Variants in EHBP1 observed in about 807,000 individuals in gnomAD.
EHBP1 encodes the protein EH domain-binding protein 1.
EHBP1 carries 55 observed loss-of-function variants against 144.0 expected under a neutral mutation model. The ratio of observed to expected loss-of-function variants is 0.38; its 90% CI spans 0.31 to 0.48. The LOEUF (loss-of-function observed/expected upper bound fraction) is 0.48. Among genes scored for constraint, EHBP1 ranks in the 20% least tolerant of loss-of-function variants. EHBP1 has a pLI of 0.98. For synonymous variants in EHBP1, 469 were observed against 472.7 expected, an observed-to-expected ratio of 0.99 and a Z score of 0.10; for missense variants, 1,200 against 1,364.2, an observed-to-expected ratio of 0.88 and a Z score of 1.90.
At chr2:62,693,952 TTC>T (rs1264218176) in intron 1 of EHBP1, among the ~76,000 whole-genome samples, 1 of 152,240 alleles carries the variant, frequency 6.6e-6, no homozygotes, top group African/African-American at 2.4e-5. Context: ...ATCTGTTTTT[TTC>T]TTTTGTTGCT....
chr2:62,716,561 A>T (rs1439672029), intron 2 of EHBP1, among the ~76,000 whole-genome samples: 3 of 152,242 alleles, frequency 2.0e-5, no homozygotes, highest in Non-Finnish European at 2.9e-5. Flanking sequence ...ATGGCAATAC[A>T]CATGTGTCTC....
In EHBP1 at chr2:62,883,367, T is replaced by A. The variant is rs576398570; in HGVS notation, c.1185+8835T>A. On this transcript the variant is annotated intron_variant, in intron 10 of 22. Coordinates refer to ENST00000431489, the MANE Select transcript of EHBP1 (RefSeq NM_001142616.3). ...AAGGTAATGTTTCATTGCAGATACA[T>A]TGTGGAATAAATGATGTTTATGGGA... Among the ~76,000 whole-genome samples, 4 of 152,336 alleles carry A rather than the reference T, an allele frequency of 2.6e-5. No homozygotes were observed. In the South Asian group the frequency reaches 6.2e-4, roughly 24 times the overall value.
At chr2:63,015,325 G>T (rs971718675) in intron 19 of EHBP1, among the ~76,000 whole-genome samples, 1 of 152,086 alleles carries the variant, frequency 6.6e-6, no homozygotes, top group African/African-American at 2.4e-5. Context: ...TTTAATGTCA[G>T]GAAAAAGTAG....
chr2:62,779,612 A>G (rs1192534970), intron 5 of EHBP1, among the ~76,000 whole-genome samples: 5 of 152,188 alleles, frequency 3.3e-5, no homozygotes, highest in Non-Finnish European at 5.9e-5. Flanking sequence ...CTTTTAGGCC[A>G]TTCTTTTGGT....
At chr2:62,772,596 C>T (rs1351119426) in intron 5 of EHBP1, among the ~76,000 whole-genome samples, 2 of 152,300 alleles carry the variant, frequency 1.3e-5, no homozygotes, top group African/African-American at 2.4e-5. Flanking sequence ...GATTTCAAGT[C>T]CTGTCTCTTC....
intron 1 of EHBP1, chr2:62,674,133 C>G (rs748354601): frequency 1.7e-5 from 8 of 470,940 alleles, no homozygotes; most frequent in Non-Finnish European, 3.5e-5. Flanking sequence ...AGAAGCATCC[C>G]CAAATATGTC....
intron 4 of EHBP1, among the ~76,000 whole-genome samples, chr2:62,766,186 T>C (rs938282258): frequency 6.6e-6 from 1 of 152,168 alleles, no homozygotes; most frequent in Non-Finnish European, 1.5e-5. Flanking sequence ...TTGGAATTTA[T>C]CTCATAAGTT....
At chr2:62,847,102 G>C (rs1472485032) in intron 7 of EHBP1, among the ~76,000 whole-genome samples, 1 of 152,176 alleles carries the variant, frequency 6.6e-6, no homozygotes, top group Admixed American at 6.5e-5. Flanking sequence ...AATCAAGATA[G>C]TGTCAAATTG....
intron 3 of EHBP1, among the ~76,000 whole-genome samples, chr2:62,751,306 A>G (rs2039692907): frequency 6.6e-6 from 1 of 152,214 alleles, no homozygotes; most frequent in African/African-American, 2.4e-5. Context: ...TCGTATGTTG[A>G]AACAGCCTTG....
At chr2:62,877,507 AC>A (rs2050993517) in intron 10 of EHBP1, among the ~76,000 whole-genome samples, 4 of 152,218 alleles carry the variant, frequency 2.6e-5, no homozygotes, top group Admixed American at 2.6e-4. Context: ...GACCTAACAG[AC>A]ATCTACAGAA....
chr2:62,740,745 G>T (rs1481293522), intron 2 of EHBP1, among the ~76,000 whole-genome samples: 2 of 152,068 alleles, frequency 1.3e-5, no homozygotes, highest in Non-Finnish European at 2.9e-5. Flanking sequence ...AAGACTTACA[G>T]TTCCTTATTT....
rs150739448 is a variant in EHBP1, at chr2:63,045,657, C to G, written c.*157C>G. The G allele has an allele frequency of 2.1e-5, 13 of 609,552 alleles. No homozygotes were observed. Among genetic ancestry groups the G allele is most frequent in the African/African-American group, 1.7e-4 (9 of 53,998 alleles). 37.8% of individuals were successfully genotyped at this position (609,552 alleles called of 1,614,324 possible). A position where few individuals can be genotyped will look rare whatever the true frequency, so the allele number is the denominator to read the frequency against. On this transcript the variant is annotated 3_prime_UTR_variant, in exon 23 of 23. Transcript: ENST00000431489. This position sits in a 1 kb window ranked among gnomAD's most constrained non-coding sequence, Gnocchi z 5.7. The stretch of plus-strand genomic sequence containing the variant: ...TACCACCACCACCCTTTTCCTCCCT[C>G]CTTTCCAAATAATATACAGAACTCC...
intron 7 of EHBP1, among the ~76,000 whole-genome samples, chr2:62,849,333 G>A (rs905268702): frequency 3.9e-5 from 6 of 152,184 alleles, no homozygotes; most frequent in Admixed American, 2.0e-4. Flanking sequence ...GGCCATCTGC[G>A]AGTTGTTCTA....
upstream of EHBP1, among the ~76,000 whole-genome samples, chr2:62,705,284 C>A (rs2151774885): frequency 6.6e-6 from 1 of 152,146 alleles, no homozygotes; most frequent in African/African-American, 2.4e-5. Flanking sequence ...CTGCACTGCC[C>A]ACAGCTGCAG....
At chr2:62,742,333 T>C (rs2038790446) in intron 2 of EHBP1, among the ~76,000 whole-genome samples, 1 of 152,150 alleles carries the variant, frequency 6.6e-6, no homozygotes, top group Non-Finnish European at 1.5e-5. Context: ...TTGGTATCTG[T>C]TGGGGCTCCT....
At chr2:62,877,115 T>G (rs2050949102) in intron 10 of EHBP1, among the ~76,000 whole-genome samples, 1 of 152,068 alleles carries the variant, frequency 6.6e-6, no homozygotes, top group South Asian at 2.1e-4. Flanking sequence ...GAGACCCATC[T>G]CACATGCATT....
chr2:62,807,557 C>T (rs774347185), intron 5 of EHBP1, among the ~76,000 whole-genome samples: 2 of 151,810 alleles, frequency 1.3e-5, no homozygotes, highest in Non-Finnish European at 2.9e-5. Context: ...TCAAAAAAAA[C>T]AAAAAAAGAA....
chr2:62,707,333 G>A lies in EHBP1; in HGVS notation c.104+38G>A, dbSNP rs775727465. 2.0e-6 allele frequency: 3 copies of A among 1,485,500 alleles called. No homozygotes were observed. The East Asian group carries it at 6.8e-5, about 34-fold the overall frequency. 92.0% of individuals were successfully genotyped at this position (1,485,500 alleles called of 1,614,324 possible). On this transcript the variant is annotated intron_variant, in intron 2 of 22. Coordinates refer to ENST00000431489, the MANE Select transcript of EHBP1 (RefSeq NM_001142616.3). ...TGGAGGTAGATTTTGCTGTGCTGTG[G>A]CCTAAGCATACTGTGGCCTAAACTC...
chr2:62,774,107 A>G (rs2041888293), intron 5 of EHBP1, among the ~76,000 whole-genome samples: 1 of 151,948 alleles, frequency 6.6e-6, no homozygotes, highest in Non-Finnish European at 1.5e-5. Flanking sequence ...ATAGTCTCTC[A>G]CACCTGTAAT....
Sources: gnomAD v4.1 joint callset for allele counts (sites outside exome capture counted in the v4.1 genomes callset) on GRCh38, gnomAD v4.1.1 for gene constraint, Gnocchi (gnomAD v3.1) non-coding constraint, MANE v1.5 for transcripts, NCBI Gene and HGNC (gene_info 2026-07-23, HGNC 2026-07-21) for gene names.